Variants in NEMP2 observed in about 807,000 individuals in gnomAD.
NEMP2 encodes nuclear envelope integral membrane protein 2, also known as UPF0571 transmembrane protein.
In NEMP2, 53 loss-of-function variants were observed where a neutral mutation model predicts 54.2. The observed-to-expected ratio is 0.98, with a 90% CI of 0.78 to 1.23. NEMP2 has a LOEUF of 1.23. Among genes scored for constraint, NEMP2 ranks in the 50% most tolerant of loss-of-function variants. The pLI is 0.00. For missense variants in NEMP2, 455 were observed against 511.3 expected, an observed-to-expected ratio of 0.89 and a Z score of 1.06; for synonymous variants, 197 against 190.3, an observed-to-expected ratio of 1.04 and a Z score of -0.29.
the NEMP2 span, among the ~76,000 whole-genome samples, chr2:190,565,373 G>A: frequency 6.6e-6 from 1 of 152,100 alleles, no homozygotes; most frequent in Non-Finnish European, 1.5e-5. Context: ...TCTAAATTGT[G>A]GGTTATGAAC....
At chr2:190,469,972 G>T in the NEMP2 span, 1 of 673,848 alleles carries the variant, frequency 1.5e-6, no homozygotes, top group South Asian at 2.1e-5. This position sits in a 1 kb window ranked among gnomAD's most constrained non-coding sequence, Gnocchi z 5.3. Context: ...TGTTTCATGT[G>T]ATTTTGAAGT....
At chr2:190,615,734 C>T in the NEMP2 span, among the ~76,000 whole-genome samples, 1 of 152,166 alleles carries the variant, frequency 6.6e-6, no homozygotes, top group East Asian at 1.9e-4. The surrounding 1 kb of genome is among the most constrained non-coding windows in gnomAD (Gnocchi z 4.7). Context: ...CTTTCCAGGA[C>T]CCCCTAGTGA....
the NEMP2 span, among the ~76,000 whole-genome samples, chr2:190,465,756 G>T: frequency 6.6e-6 from 1 of 152,278 alleles, no homozygotes; most frequent in East Asian, 1.9e-4. This position sits in a 1 kb window ranked among gnomAD's most constrained non-coding sequence, Gnocchi z 4.6. Context: ...ACTTTGGGAG[G>T]CCGAGGCAGG....
At chr2:190,564,233 C>T in the NEMP2 span, among the ~76,000 whole-genome samples, 27,245 of 152,036 alleles carry the variant, frequency 0.18, 2,555 homozygotes, top group Middle Eastern at 0.22. This position sits in a 1 kb window ranked among gnomAD's most constrained non-coding sequence, Gnocchi z 4.2. Context: ...TTTGTGTTTA[C>T]TTATTTATTT....
the NEMP2 span, among the ~76,000 whole-genome samples, chr2:190,631,873 T>G: frequency 6.6e-6 from 1 of 151,756 alleles, no homozygotes; most frequent in East Asian, 1.9e-4. Context: ...CTGGGCAACA[T>G]GACAAAACCC....
the NEMP2 span, among the ~76,000 whole-genome samples, chr2:190,540,597 C>T: frequency 1.3e-5 from 2 of 152,142 alleles, no homozygotes; most frequent in Admixed American, 6.5e-5. Context: ...ACCCAGCATG[C>T]ATGATCTTTA....
upstream of NEMP2, among the ~76,000 whole-genome samples, chr2:190,536,190 G>A (rs886670595): frequency 2.0e-5 from 3 of 152,160 alleles, no homozygotes; most frequent in African/African-American, 7.2e-5. Flanking sequence ...ATGTTAGGAG[G>A]TGATAGTTCT....
the NEMP2 span, chr2:190,469,692 A>C: frequency 1.1e-6 from 1 of 949,576 alleles, no homozygotes; most frequent in Non-Finnish European, 1.4e-6. The surrounding 1 kb of genome is among the most constrained non-coding windows in gnomAD (Gnocchi z 5.3). Context: ...TAGATTGTAT[A>C]TTAGGGACTC....
chr2:190,510,779 G>A lies in NEMP2; in HGVS notation c.954-242C>T, dbSNP rs1327349591. On this transcript the variant is annotated intron_variant, in intron 7 of 8. Transcript: ENST00000409150. This position sits in a 1 kb window ranked among gnomAD's most constrained non-coding sequence, Gnocchi z 5.7. The stretch of plus-strand genomic sequence containing the variant: ...GCCTGTAGTCCCAGCTACTTGGGAG[G>A]CTGAGGCAGGAGAATGGCGTGAACC... Among the ~76,000 whole-genome samples the A allele has an allele frequency of 6.6e-6, 1 of 151,874 alleles. No individual in the cohort carries two copies. Among genetic ancestry groups the A allele is most frequent in the Non-Finnish European group, 1.5e-5 (1 of 67,984 alleles).
chr2:190,640,687 T>C, the NEMP2 span, among the ~76,000 whole-genome samples: 1 of 152,120 alleles, frequency 6.6e-6, no homozygotes, highest in Non-Finnish European at 1.5e-5. Flanking sequence ...GATATATGCA[T>C]TGTCCTTTCA....
Position 190,509,869 on chromosome 2 carries a change from C to T in NEMP2, c.1130+492G>A, listed in dbSNP as rs1478499465. On this transcript the variant is annotated intron_variant, in intron 8 of 8. Transcript: ENST00000409150. This position sits in a 1 kb window ranked among gnomAD's most constrained non-coding sequence, Gnocchi z 6.1. The stretch of plus-strand genomic sequence containing the variant: ...CCTGACCAACATGGTGAAACCCCAT[C>T]TCTACTGAAAATACAAAAATTAGCC... Among the ~76,000 whole-genome samples, 1 of 152,236 alleles carries T rather than the reference C, an allele frequency of 6.6e-6. No individual in the cohort carries two copies. The highest frequency in any genetic ancestry group is 1.5e-5 in the Non-Finnish European group (1 of 68,046).
chr2:190,473,628 C>CT, the NEMP2 span, among the ~76,000 whole-genome samples: 6 of 152,192 alleles, frequency 3.9e-5, no homozygotes, highest in Non-Finnish European at 8.8e-5. Flanking sequence ...TAATTGGAGA[C>CT]TTTAACACCC....
chr2:190,425,214 T>C, the NEMP2 span, among the ~76,000 whole-genome samples: 101 of 152,358 alleles, frequency 6.6e-4, no homozygotes, highest in African/African-American at 2.4e-3. The surrounding 1 kb of genome is among the most constrained non-coding windows in gnomAD (Gnocchi z 4.3). Context: ...CTTGCTGAAC[T>C]CACTTATTAG....
At chr2:190,463,481 C>T in the NEMP2 span, among the ~76,000 whole-genome samples, 3 of 151,838 alleles carry the variant, frequency 2.0e-5, no homozygotes, top group Non-Finnish European at 4.4e-5. The surrounding 1 kb of genome is among the most constrained non-coding windows in gnomAD (Gnocchi z 4.4). Context: ...TATAACAATT[C>T]TGAAAAAAAA....
At chr2:190,438,157 A>C in the NEMP2 span, among the ~76,000 whole-genome samples, 1 of 152,004 alleles carries the variant, frequency 6.6e-6, no homozygotes, top group East Asian at 1.9e-4. This position sits in a 1 kb window ranked among gnomAD's most constrained non-coding sequence, Gnocchi z 5.2. Context: ...CCATGAAGAC[A>C]TAGGATATTT....
At chr2:190,431,506 T>C in the NEMP2 span, among the ~76,000 whole-genome samples, 135,608 of 152,294 alleles carry the variant, frequency 0.89, 60,736 homozygotes, top group East Asian at 1. This position sits in a 1 kb window ranked among gnomAD's most constrained non-coding sequence, Gnocchi z 4.4. Context: ...AGCTGGAGAC[T>C]AGCCCGGCCA....
At chr2:190,541,948 C>G in the NEMP2 span, among the ~76,000 whole-genome samples, 1 of 151,322 alleles carries the variant, frequency 6.6e-6, no homozygotes, top group South Asian at 2.1e-4. The surrounding 1 kb of genome is among the most constrained non-coding windows in gnomAD (Gnocchi z 5.2). Flanking sequence ...GTTGAGAAGT[C>G]TGTTGCCAGA....
chr2:190,607,872 C>G, the NEMP2 span: 1 of 152,166 alleles, frequency 6.6e-6, no homozygotes, highest in Non-Finnish European at 1.5e-5. The surrounding 1 kb of genome is among the most constrained non-coding windows in gnomAD (Gnocchi z 5.2). Flanking sequence ...GATGTGAACA[C>G]TCATTCCCTC....
chr2:190,544,978 C>T, the NEMP2 span, among the ~76,000 whole-genome samples: 1 of 151,068 alleles, frequency 6.6e-6, no homozygotes, highest in South Asian at 2.1e-4. Context: ...TGGCACACAC[C>T]TGTAGTCCCA....
Sources: allele counts gnomAD v4.1 joint callset (sites outside exome capture counted in the v4.1 genomes callset), GRCh38; gene constraint gnomAD v4.1.1; non-coding constraint Gnocchi (gnomAD v3.1); transcripts MANE v1.5; gene names NCBI Gene and HGNC (gene_info 2026-07-23, HGNC 2026-07-21).